The following TTC19 variants were observed in gnomAD, a reference collection of about 807,000 sequenced individuals.
TTC19 encodes tetratricopeptide repeat domain 19.
A neutral mutation model predicts 49.5 loss-of-function variants in TTC19; 38 were observed. The ratio of observed to expected loss-of-function variants is 0.77; its 90% confidence interval spans 0.59 to 1.01. TTC19 has a LOEUF of 1.01. Ranked by LOEUF, TTC19 falls within the 50% of genes least tolerant of loss-of-function variation. TTC19 has a pLI of 0.00. For missense variants in TTC19, 475 were observed against 477.7 expected (o/e 0.99, Z 0.05); for synonymous variants, 204 against 185.2 (o/e 1.10, Z -0.83).
At chr17:16,006,397 C>T (rs565640221) in intron 6 of TTC19, 77 bp from the exon 7 acceptor site, 7 of 1,098,674 alleles carry the variant, frequency 6.4e-6, no homozygotes, top group South Asian at 1.2e-5. Flanking sequence ...GCAACAAGAG[C>T]GAAACTCCAT....
intron 7 of TTC19, among the ~76,000 whole-genome samples, chr17:16,015,553 T>TTTTTTATTTTCATATATTAAA (rs1335837238): frequency 6.6e-6 from 1 of 152,158 alleles, no homozygotes; most frequent in Non-Finnish European, 1.5e-5. Context: ...CTCCTTTCCT[T>TTTTTTATTTTCATATATTAAA]GAAAGTTTTT....
chr17:16,000,442 G>A (rs1411080583), intron 2 of TTC19, 197 bp downstream of exon 2: 2 of 1,426,956 alleles, frequency 1.4e-6, no homozygotes, highest in South Asian at 1.4e-5. Flanking sequence ...AAGGCCTGCA[G>A]TAAAACCTCT....
chr17:16,018,301 T>G (rs1337964286), intron 7 of TTC19, among the ~76,000 whole-genome samples: 1 of 152,150 alleles, frequency 6.6e-6, no homozygotes, highest in Non-Finnish European at 1.5e-5. Context: ...GCTTCTGTAG[T>G]CTATTCTGGC....
chr17:16,023,928 A>G (rs1433673809), intron 7 of TTC19: 1 of 152,246 alleles, frequency 6.6e-6, no homozygotes, highest in Non-Finnish European at 1.5e-5. Context: ...TATGAACGAC[A>G]GCTTTGCTGG....
rs1024315398 is a variant in TTC19 at position 16,027,476 on chromosome 17, A to C, written c.1097A>C (p.Glu366Ala). 1.2e-6 allele frequency: 2 copies of C among 1,614,180 alleles called. No individual in the cohort carries two copies. Among genetic ancestry groups the C allele is most frequent in the Non-Finnish European group, 1.7e-6 (2 of 1,179,984 alleles). The change falls in exon 10 of 10, where the codon GAG (glutamate) becomes GCG (alanine). Residue 366 changes from glutamate to alanine, a missense_variant. Physicochemically the swap from Glu to Ala is moderately radical, Grantham distance 107. Coordinates refer to ENST00000261647, the MANE Select transcript of TTC19 (RefSeq NM_017775.4). ...CAACACATCAGGGAAGAGTTGGCTG[A>C]GCTGTCAAAGAAAAGTAGACCTTTG... Reference protein sequence around the residue: ...SVQHIREELAELSKKSRPLTN... With the variant: ...SVQHIREELAALSKKSRPLTN...
chr17:16,019,346 A>G (rs1186667829), intron 7 of TTC19, among the ~76,000 whole-genome samples: 1 of 152,256 alleles, frequency 6.6e-6, no homozygotes, highest in Non-Finnish European at 1.5e-5. Context: ...AAACAAAAAA[A>G]CAATATACAA....
chr17:16,018,076 C>CT (rs1971268027), intron 7 of TTC19, among the ~76,000 whole-genome samples: 1 of 151,988 alleles, frequency 6.6e-6, no homozygotes, highest in African/African-American at 2.4e-5. Context: ...CTTGTTTTTT[C>CT]TCTGTGATCT....
chr17:16,025,778 A>AAGAC (rs1971535210), intron 8 of TTC19, among the ~76,000 whole-genome samples: 1 of 152,320 alleles, frequency 6.6e-6, no homozygotes, highest in South Asian at 2.1e-4. Flanking sequence ...CTGCCAATAT[A>AAGAC]AGACATAACA....
intron 7 of TTC19, chr17:16,024,580 C>CA (rs2151681368): frequency 4.5e-6 from 1 of 222,048 alleles, no homozygotes; most frequent in East Asian, 1.3e-4. Flanking sequence ...GCTGTGATTA[C>CA]AGGTGTGAGC....
At chr17:16,022,296 G>C (rs1022234223) in intron 7 of TTC19, among the ~76,000 whole-genome samples, 1 of 152,172 alleles carries the variant, frequency 6.6e-6, no homozygotes, top group African/African-American at 2.4e-5. Flanking sequence ...CAGCTGTGCA[G>C]GGAAAGGATG....
intron 7 of TTC19, among the ~76,000 whole-genome samples, chr17:16,021,478 T>C (rs537655249): frequency 1.2e-4 from 18 of 152,316 alleles, no homozygotes; most frequent in Admixed American, 4.6e-4. Context: ...ACCCAGTAAG[T>C]TGGTGTGTCC....
At chr17:16,008,134 C>T (rs1970965179) in intron 7 of TTC19, among the ~76,000 whole-genome samples, 1 of 152,192 alleles carries the variant, frequency 6.6e-6, no homozygotes, top group African/African-American at 2.4e-5. Context: ...TCTTTTCTCT[C>T]TGCCCCAACA....
At chr17:16,013,561 A>T (rs1971136834) in intron 7 of TTC19, among the ~76,000 whole-genome samples, 1 of 152,110 alleles carries the variant, frequency 6.6e-6, no homozygotes, top group Admixed American at 6.6e-5. Flanking sequence ...GAAGCTGGTG[A>T]CTGTTTTCTT....
chr17:16,009,578 C>T (rs1197789488), intron 7 of TTC19, among the ~76,000 whole-genome samples: 1 of 152,024 alleles, frequency 6.6e-6, no homozygotes, highest in East Asian at 1.9e-4. Context: ...TTACATTTTA[C>T]TAGTTGCACA....
At chr17:16,042,484 C>T (rs930132004) in intron 2 of TTC19, among the ~76,000 whole-genome samples, 2 of 152,222 alleles carry the variant, frequency 1.3e-5, no homozygotes, top group Non-Finnish European at 2.9e-5. Flanking sequence ...GTGGTACTTG[C>T]TAAGGCCATA....
chr17:16,025,841 T>C (rs959031688), intron 8 of TTC19, among the ~76,000 whole-genome samples: 1 of 152,176 alleles, frequency 6.6e-6, no homozygotes, highest in Non-Finnish European at 1.5e-5. Flanking sequence ...GTGAGTAATA[T>C]GTTTTGGAAG....
chr17:16,005,074 A>C (rs898562805), intron 6 of TTC19, among the ~76,000 whole-genome samples: 67 of 152,358 alleles, frequency 4.4e-4, no homozygotes, highest in African/African-American at 1.5e-3. Flanking sequence ...GGGTAAGAAG[A>C]AGCCCAGAGC....
chr17:16,025,057 C>CT lies in TTC19; in HGVS notation c.719dup (p.Leu240PhefsTer22). On this transcript the variant is annotated frameshift_variant, in exon 8 of 10. Coordinates refer to ENST00000261647, the MANE Select transcript of TTC19 (RefSeq NM_017775.4). LOFTEE classifies it high-confidence loss of function. ...ATACCCACCTCCTCTTGGGCATGTG[C>CT]TTAGACGCCTGTGCTCGCTACCTTC... 6.2e-7 allele frequency: 1 copy of CT among 1,613,966 alleles called. No individual in the cohort carries two copies. The highest frequency in any genetic ancestry group is 8.5e-7 in the Non-Finnish European group (1 of 1,179,858).
Position 16,000,141 on chromosome 17 carries a change from G to A in TTC19, c.208G>A (p.Ala70Thr). The A allele has an allele frequency of 5.1e-6, 8 of 1,578,928 alleles. No homozygotes were observed. Among genetic ancestry groups the A allele is most frequent in the Non-Finnish European group, 6.8e-6 (8 of 1,171,008 alleles). ...LAALAWFSRP[A>T]AAEEEEQQGA... ...AGCGCTCGCCTGGTTCTCGAGGCCC[G>A]CTGCGGCAGAGGAGGAGGAGCAGCA... is the stretch of plus-strand genomic sequence containing the variant. The change falls in exon 2 of 10, where the codon GCT (alanine) becomes ACT (threonine). Residue 70 changes from alanine (A) to threonine (T), a missense_variant. Coordinates refer to ENST00000261647, the MANE Select transcript of TTC19 (RefSeq NM_017775.4).
Sources: allele counts gnomAD v4.1 joint callset (sites outside exome capture counted in the v4.1 genomes callset), GRCh38; gene constraint gnomAD v4.1.1; transcripts MANE v1.5; gene names NCBI Gene and HGNC (gene_info 2026-07-23, HGNC 2026-07-21).